Variants in ANKS1B observed in about 807,000 individuals in gnomAD.
ANKS1B encodes the protein ankyrin repeat and sterile alpha motif domain containing 1B.
ANKS1B carries 36 observed loss-of-function variants against 148.3 expected under a neutral mutation model. The observed-to-expected ratio is 0.24, with a 90% CI of 0.19 to 0.32. The LOEUF is 0.32. Among genes scored for constraint, ANKS1B ranks in the 10% least tolerant of loss-of-function variants. ANKS1B has a pLI of 1.00. For missense variants in ANKS1B, 1,157 were observed against 1,542.6 expected (o/e 0.75, Z 4.19); for synonymous variants, 542 against 560.8 (o/e 0.97, Z 0.47).
chr12:99,386,709 G>T (rs559829765), intron 12 of ANKS1B, among the ~76,000 whole-genome samples: 1 of 152,258 alleles, frequency 6.6e-6, no homozygotes, highest in Non-Finnish European at 1.5e-5. Context: ...TAAGAAAAAT[G>T]AATATCTTCC....
chr12:98,965,355 G>T (rs1222622587), intron 17 of ANKS1B, among the ~76,000 whole-genome samples: 1 of 152,132 alleles, frequency 6.6e-6, no homozygotes, highest in Non-Finnish European at 1.5e-5. Context: ...ATTTACAGAG[G>T]CAATGTATAT....
intron 1 of ANKS1B, among the ~76,000 whole-genome samples, chr12:99,826,575 A>C (rs2083212372): frequency 6.6e-6 from 1 of 152,208 alleles, no homozygotes; most frequent in South Asian, 2.1e-4. Context: ...ATATTAACTA[A>C]GATGTGAAAT....
intron 2 of ANKS1B, among the ~76,000 whole-genome samples, chr12:99,814,199 G>A (rs370385230): frequency 1.6e-4 from 25 of 151,596 alleles, no homozygotes; most frequent in African/African-American, 5.8e-4. Context: ...ATGAAATCAC[G>A]TAATTAGACA....
chr12:99,932,133 G>A (rs2094633716), intron 1 of ANKS1B, among the ~76,000 whole-genome samples: 1 of 152,100 alleles, frequency 6.6e-6, no homozygotes, highest in South Asian at 2.1e-4. Context: ...ATACTACATT[G>A]TGTATACGTG....
chr12:99,699,007 C>CT (rs2054378233), intron 8 of ANKS1B, among the ~76,000 whole-genome samples: 2 of 152,110 alleles, frequency 1.3e-5, no homozygotes, highest in African/African-American at 4.8e-5. Flanking sequence ...CATGTGCGTG[C>CT]TCTTTATTAG....
chr12:98,979,125 G>C (rs1044515684), intron 17 of ANKS1B, among the ~76,000 whole-genome samples: 4 of 151,420 alleles, frequency 2.6e-5, no homozygotes, highest in Non-Finnish European at 4.4e-5. Context: ...CTGGGCAACA[G>C]AGCGAGACTC....
intron 8 of ANKS1B, among the ~76,000 whole-genome samples, chr12:99,692,750 T>C (rs1599821067): frequency 6.7e-6 from 1 of 149,342 alleles, no homozygotes; most frequent in Admixed American, 6.7e-5. Context: ...AAGCTGATGG[T>C]GGGTTGTCGT....
intron 4 of ANKS1B, among the ~76,000 whole-genome samples, chr12:99,790,289 G>C (rs997629413): frequency 1.3e-5 from 2 of 152,090 alleles, no homozygotes; most frequent in African/African-American, 4.8e-5. Context: ...AAGCATGAAA[G>C]AGAAATAAAG....
intron 12 of ANKS1B, among the ~76,000 whole-genome samples, chr12:99,328,781 T>C (rs1399645139): frequency 6.6e-6 from 1 of 151,906 alleles, no homozygotes; most frequent in African/African-American, 2.4e-5. Flanking sequence ...AATAATCAAA[T>C]TTGAACCAGA....
At chr12:99,333,171 A>G (rs2152287341) in intron 12 of ANKS1B, among the ~76,000 whole-genome samples, 1 of 152,212 alleles carries the variant, frequency 6.6e-6, no homozygotes, top group South Asian at 2.1e-4. Context: ...GATCCAGATC[A>G]TAGAGGATAC....
intron 12 of ANKS1B, among the ~76,000 whole-genome samples, chr12:99,302,629 A>G (rs1602604551): frequency 6.6e-6 from 1 of 152,090 alleles, no homozygotes; most frequent in Non-Finnish European, 1.5e-5. Flanking sequence ...AAAGAGAAAA[A>G]TTCATCTAAG....
In ANKS1B at chr12:99,136,388, G is replaced by T. The variant is rs569630336; in HGVS notation, c.2526+17901C>A. ...AGCACTAAGGTCTCTAGTATTATGGGGTGACAACAGGAGAAGCCAATCCAG... is the reference window on the plus strand; with the variant it reads ...AGCACTAAGGTCTCTAGTATTATGGTGTGACAACAGGAGAAGCCAATCCAG... On this transcript the variant is annotated intron_variant, in intron 15 of 26. Transcript: ENST00000683438. Among the ~76,000 whole-genome samples, 6 of 152,298 alleles carry T rather than the reference G, an allele frequency of 3.9e-5. No individual in the cohort carries two copies. In the South Asian group the frequency reaches 1.2e-3, roughly 32 times the overall value.
Position 99,477,717 on chromosome 12 carries a change from A to T in ANKS1B, c.1438+26759T>A, listed in dbSNP as rs1057148801. ...GATATTAAAATATATGTATCCTTTC[A>T]CTAAGGTATACAAACATTTATCATC... On this transcript the variant is annotated intron_variant, in intron 10 of 26. Coordinates refer to ENST00000683438, the MANE Select transcript of ANKS1B (RefSeq NM_001352186.2). Among the ~76,000 whole-genome samples the T allele has an allele frequency of 3.9e-5, 6 of 152,176 alleles. No individual in the cohort carries two copies. The South Asian group carries it at 1.2e-3, about 32-fold the overall frequency.
At chr12:99,726,641 G>A (rs1382829297) in intron 8 of ANKS1B, among the ~76,000 whole-genome samples, 1 of 152,062 alleles carries the variant, frequency 6.6e-6, no homozygotes, top group Admixed American at 6.6e-5. Flanking sequence ...AATTTTATGA[G>A]GCCATCATCA....
At chr12:99,351,830 A>G (rs2091455315) in intron 12 of ANKS1B, 2 of 152,246 alleles carry the variant, frequency 1.3e-5, no homozygotes, top group South Asian at 4.1e-4. Flanking sequence ...TCAATAAGAT[A>G]AAGCTAGATA....
At chr12:98,980,331 G>A (rs1415520792) in intron 17 of ANKS1B, among the ~76,000 whole-genome samples, 1 of 152,170 alleles carries the variant, frequency 6.6e-6, no homozygotes, top group African/African-American at 2.4e-5. Flanking sequence ...CTCCCGAGTA[G>A]CTGGGACTAC....
At position 99,943,177 on chromosome 12, in the gene ANKS1B, C is replaced by A. The variant is rs2094962255; in HGVS notation, c.134+40927G>T. Among the ~76,000 whole-genome samples, 3 of 152,190 alleles carry A rather than the reference C, an allele frequency of 2.0e-5. No homozygotes were observed. In the South Asian group the frequency reaches 6.2e-4, roughly 32 times the overall value. ...AAATGAAACTCTGATCAAACCACAT[C>A]TGAAACCCATCCTTTCTTTGGACTT... On this transcript the variant is annotated intron_variant, in intron 1 of 26. Transcript: ENST00000683438.
At chr12:99,898,506 GA>G (rs2093467571) in intron 1 of ANKS1B, among the ~76,000 whole-genome samples, 1 of 152,166 alleles carries the variant, frequency 6.6e-6, no homozygotes, top group South Asian at 2.1e-4. Flanking sequence ...TAACTTCTGT[GA>G]GTGTCCAGCC....
chr12:98,838,819 A>G (rs907056208), intron 17 of ANKS1B, among the ~76,000 whole-genome samples: 1 of 152,242 alleles, frequency 6.6e-6, no homozygotes, highest in Non-Finnish European at 1.5e-5. Flanking sequence ...AATGCCAAGA[A>G]TGGAAGTTGC....
Sources: allele counts gnomAD v4.1 joint callset (sites outside exome capture counted in the v4.1 genomes callset), GRCh38; gene constraint gnomAD v4.1.1; transcripts MANE v1.5; gene names NCBI Gene and HGNC (gene_info 2026-07-23, HGNC 2026-07-21).